Variants in TNKS2 observed in about 807,000 individuals in gnomAD.
The protein encoded by TNKS2 is tankyrase 2.
Under a neutral mutation model 137.6 loss-of-function variants are expected in TNKS2, and 72 were observed. That is an observed-to-expected ratio of 0.52 (90% confidence interval 0.43 to 0.64). TNKS2 has a LOEUF of 0.64. TNKS2 is among the 30% of genes least tolerant of loss of function. The probability of loss-of-function intolerance (pLI) is 0.00; values close to 1 mark genes in which losing one functional copy is unlikely to be tolerated. For missense variants in TNKS2, 1,049 were observed against 1,410.2 expected (o/e 0.74, Z 4.10); for synonymous variants, 516 against 512.1 (o/e 1.01, Z -0.10).
At chr10:91,848,303 A>G in intron 18 of TNKS2, 80 bp from the exon 19 acceptor site, 10 of 1,430,636 alleles carry the variant, frequency 7.0e-6, no homozygotes, top group South Asian at 1.5e-5. Context: ...GTTTTCTCAT[A>G]TTTTTAAATA....
intron 1 of TNKS2, among the ~76,000 whole-genome samples, chr10:91,808,777 A>T (rs1449024277): frequency 6.6e-6 from 1 of 152,212 alleles, no homozygotes; most frequent in Non-Finnish European, 1.5e-5. Flanking sequence ...ATGGGATCAG[A>T]TAAGATTATC....
chr10:91,821,529 G>A (rs116932164), intron 6 of TNKS2, among the ~76,000 whole-genome samples: 3,409 of 152,270 alleles, frequency 0.022, 62 homozygotes, highest in Non-Finnish European at 0.036. Context: ...AGTTTGGCAT[G>A]ATGGTGGCTA....
chr10:91,798,864 A>C lies in TNKS2; in HGVS notation c.174A>C (p.Lys58Asn), dbSNP rs1453973436. Reference protein sequence around the residue: ...KVNSRDTAGRKSTPLHFAAGF... With the variant: ...KVNSRDTAGRNSTPLHFAAGF... ...ACAGCCGCGACACGGCGGGCAGGAA[A>C]TCCACCCCGCTGCACTTCGCCGCAG... The change falls in exon 1 of 27, where the codon AAA (lysine) becomes AAC (asparagine). Residue 58 changes from lysine (K) to asparagine (N), a missense_variant. This residue lies in a region of TNKS2 where 374 missense variants were observed against 460.8 expected (regional missense o/e 0.81). Coordinates refer to ENST00000371627, the MANE Select transcript of TNKS2 (RefSeq NM_025235.4). 2.2e-6 allele frequency: 3 copies of C among 1,364,234 alleles called. No individual in the cohort carries two copies. The highest frequency in any genetic ancestry group is 1.9e-6 in the Non-Finnish European group (2 of 1,050,428). 84.5% of individuals were successfully genotyped at this position (1,364,234 alleles called of 1,614,324 possible).
chr10:91,813,298 A>C (rs1329360056), intron 2 of TNKS2, 91 bp downstream of exon 2: 9 of 1,095,692 alleles, frequency 8.2e-6, no homozygotes, highest in African/African-American at 4.8e-5. Context: ...AAATTATGTC[A>C]AGCTGAATTT....
At chr10:91,853,707 C>T (rs1842622308) in intron 21 of TNKS2, among the ~76,000 whole-genome samples, 1 of 152,228 alleles carries the variant, frequency 6.6e-6, no homozygotes, top group African/African-American at 2.4e-5. Flanking sequence ...GTAAAACACT[C>T]TCCATATGCT....
At chr10:91,816,346 C>A (rs980938203) in intron 2 of TNKS2, among the ~76,000 whole-genome samples, 1 of 152,094 alleles carries the variant, frequency 6.6e-6, no homozygotes, top group Admixed American at 6.6e-5. Flanking sequence ...CTTAAAATTC[C>A]GTGTAATTAA....
At chr10:91,820,369 G>A (rs1018408819) in intron 6 of TNKS2, among the ~76,000 whole-genome samples, 1 of 152,200 alleles carries the variant, frequency 6.6e-6, no homozygotes, top group African/African-American at 2.4e-5. Flanking sequence ...AAATCCCTCA[G>A]AATGAGGTGT....
chr10:91,838,150 C>A (rs1278181233), intron 13 of TNKS2, among the ~76,000 whole-genome samples: 4 of 133,594 alleles, frequency 3.0e-5, no homozygotes, highest in Non-Finnish European at 3.1e-5. Flanking sequence ...ATTTAGTAAA[C>A]ATGTTAAAGA....
chr10:91,811,613 C>T (rs1316690230), intron 1 of TNKS2, among the ~76,000 whole-genome samples: 1 of 152,036 alleles, frequency 6.6e-6, no homozygotes, highest in African/African-American at 2.4e-5. Flanking sequence ...AAAACAAAAA[C>T]AGTTAATCTT....
intron 1 of TNKS2, among the ~76,000 whole-genome samples, chr10:91,812,331 G>A (rs1844536715): frequency 1.3e-5 from 2 of 152,168 alleles, no homozygotes; most frequent in African/African-American, 4.8e-5. Context: ...GAGCAGAACT[G>A]TGGAATGTTG....
At chr10:91,850,382 A>G (rs1473136150) in intron 20 of TNKS2, among the ~76,000 whole-genome samples, 1 of 150,196 alleles carries the variant, frequency 6.7e-6, no homozygotes, top group East Asian at 2.0e-4. Flanking sequence ...AAAAAAAAAA[A>G]AAGAACATAT....
chr10:91,838,209 A>T (rs1842092660), intron 13 of TNKS2, among the ~76,000 whole-genome samples: 1 of 152,094 alleles, frequency 6.6e-6, no homozygotes, highest in Non-Finnish European at 1.5e-5. Context: ...GAGGGGATAG[A>T]TAAAGAGGAG....
intron 7 of TNKS2, among the ~76,000 whole-genome samples, chr10:91,822,713 G>T (rs549644000): frequency 6.6e-6 from 1 of 151,596 alleles, no homozygotes; most frequent in East Asian, 2.0e-4. Flanking sequence ...TTTCAGACAG[G>T]CGCCATCACG....
At chr10:91,852,754 A>G (rs1418311232) in intron 21 of TNKS2, among the ~76,000 whole-genome samples, 1 of 152,252 alleles carries the variant, frequency 6.6e-6, no homozygotes, top group Non-Finnish European at 1.5e-5. Flanking sequence ...TATGCTAGCC[A>G]GGATGGGGTC....
intron 24 of TNKS2, among the ~76,000 whole-genome samples, chr10:91,859,009 A>T (rs1390681325): frequency 1.3e-5 from 2 of 152,108 alleles, no homozygotes; most frequent in East Asian, 3.9e-4. Context: ...ACTACATCTC[A>T]AAAAAATTTA....
Position 91,831,142 on chromosome 10 carries a change from T to G in TNKS2, c.1236T>G (p.His412Gln). The G allele has an allele frequency of 6.2e-7, 1 of 1,614,036 alleles. No homozygotes were observed. Among genetic ancestry groups the G allele is most frequent in the Non-Finnish European group, 8.5e-7 (1 of 1,179,938 alleles). ...TPLHVASEKAHNDVVEVVVKH... is the reference protein window; with the variant it reads ...TPLHVASEKAQNDVVEVVVKH... The stretch of plus-strand genomic sequence containing the variant: ...TGCACGTGGCATCTGAGAAAGCTCA[T>G]AATGATGTTGTTGAAGTAGTGGTGA... The change falls in exon 11 of 27, where the codon CAT becomes CAG. Residue 412 changes from histidine to glutamine, a missense_variant. Physicochemically the swap from His to Gln is conservative, Grantham distance 24. Around this residue, in one of 6 missense-constraint regions of TNKS2, gnomAD observed 328 missense variants for 436.0 expected, o/e 0.75. Coordinates refer to ENST00000371627, the MANE Select transcript of TNKS2 (RefSeq NM_025235.4).
At chr10:91,857,182 AG>A (rs1842730525) in intron 23 of TNKS2, among the ~76,000 whole-genome samples, 4 of 152,232 alleles carry the variant, frequency 2.6e-5, no homozygotes, top group African/African-American at 9.6e-5. Context: ...ATAAATTAAC[AG>A]TATTCCTGAC....
In TNKS2 at chr10:91,834,015, C is replaced by G. The variant is rs1322708149; in HGVS notation, c.1438C>G (p.Leu480Val). The change falls in exon 12 of 27, where the codon CTC becomes GTC. Residue 480 changes from leucine to valine, a missense_variant. Around this residue, in one of 6 missense-constraint regions of TNKS2, gnomAD observed 328 missense variants for 436.0 expected, o/e 0.75. Transcript: ENST00000371627. Reference sequence around the variant, plus strand: ...GATGGGAAATGAAAATGTACAGCAACTCCTCCAAGGTATTACATGCTTCAA... The same window carrying G: ...GATGGGAAATGAAAATGTACAGCAAGTCCTCCAAGGTATTACATGCTTCAA... ...LQMGNENVQQ[L>V]LQEGISLGNS... The G allele has an allele frequency of 6.3e-7, 1 of 1,599,078 alleles. No homozygotes were observed. Among genetic ancestry groups the G allele is most frequent in the Non-Finnish European group, 8.5e-7 (1 of 1,174,836 alleles).
intron 8 of TNKS2, 119 bp from the exon 9 acceptor site, chr10:91,828,166 A>G (rs2133628178): frequency 3.6e-6 from 4 of 1,119,174 alleles, no homozygotes; most frequent in Non-Finnish European, 3.6e-6. Flanking sequence ...TTAGAGCCTC[A>G]ATCTGGCTAT....
Sources: gnomAD v4.1 joint callset for allele counts (sites outside exome capture counted in the v4.1 genomes callset) on GRCh38, gnomAD v4.1.1 for gene constraint, gnomAD v4.1.1 regional missense constraint, MANE v1.5 for transcripts, NCBI Gene and HGNC (gene_info 2026-07-23, HGNC 2026-07-21) for gene names.